The following CYRIB variants were observed in gnomAD, a reference collection of about 807,000 sequenced individuals.
CYRIB encodes CYFIP-related Rac1 interactor B.
CYRIB carries 8 observed loss-of-function variants against 44.2 expected under a neutral mutation model. The observed-to-expected ratio is 0.18, with a 90% confidence interval of 0.11 to 0.33. The LOEUF (loss-of-function observed/expected upper bound fraction) is 0.33, where lower values mean the gene tolerates loss of function less well. Among genes scored for constraint, CYRIB ranks in the 10% least tolerant of loss-of-function variants. The pLI is 1.00. For synonymous variants in CYRIB, 131 were observed against 127.2 expected (o/e 1.03, Z -0.20); for missense variants, 185 against 382.8 (o/e 0.48, Z 4.31).
intron 1 of CYRIB, among the ~76,000 whole-genome samples, chr8:129,928,400 G>A (rs1188794721): frequency 6.6e-6 from 1 of 150,584 alleles, no homozygotes; most frequent in East Asian, 1.9e-4. Flanking sequence ...TAATGTATCT[G>A]ACAAAGGACC....
intron 1 of CYRIB, among the ~76,000 whole-genome samples, chr8:129,987,564 T>C (rs3077894): frequency 6.7e-5 from 5 of 74,454 alleles, no homozygotes; most frequent in Admixed American, 4.5e-4. Context: ...GTCTTTTTTT[T>C]TTTCTTTTTT....
At chr8:129,973,923 G>A (rs1461591279) in intron 1 of CYRIB, among the ~76,000 whole-genome samples, 6 of 152,178 alleles carry the variant, frequency 3.9e-5, no homozygotes, top group East Asian at 1.9e-4. Flanking sequence ...GTCCTTATCC[G>A]TCTCCTCCAA....
At chr8:129,967,046 G>A (rs1481455301) in intron 2 of CYRIB, among the ~76,000 whole-genome samples, 1 of 152,122 alleles carries the variant, frequency 6.6e-6, no homozygotes, top group Non-Finnish European at 1.5e-5. Flanking sequence ...AAAAATTAGT[G>A]CAGTGGCCCA....
At chr8:129,854,596 T>C (rs1308466655) in intron 6 of CYRIB, among the ~76,000 whole-genome samples, 1 of 152,246 alleles carries the variant, frequency 6.6e-6, no homozygotes, top group Non-Finnish European at 1.5e-5. Flanking sequence ...TACTAAAAGC[T>C]TGTTTATCAA....
exon 5 of CYRIB, chr8:129,862,263 T>C: frequency 1.2e-6 from 2 of 1,613,910 alleles, no homozygotes; most frequent in Non-Finnish European, 1.7e-6. Flanking sequence ...ATTTCTTTAA[T>C]TTGCCTACTA....
At position 129,862,220 on chromosome 8, in the gene CYRIB, T is replaced by C. The variant is rs1333030921; in HGVS notation, c.301+9A>G. ...TAGGGAAGTCACAATTACAAAACTT[T>C]CAACTTACCTAACCTCTGAGAAAAT... On this transcript the variant is annotated intron_variant, in intron 5 of 11. Coordinates refer to ENST00000519824, the Ensembl canonical transcript of CYRIB. 4.4e-6 allele frequency: 7 copies of C among 1,593,964 alleles called. No homozygotes were observed. Among genetic ancestry groups the C allele is most frequent in the East Asian group, 2.2e-5 (1 of 44,778 alleles).
At chr8:129,951,821 C>T (rs2094518946) in intron 2 of CYRIB, among the ~76,000 whole-genome samples, 1 of 152,158 alleles carries the variant, frequency 6.6e-6, no homozygotes, top group Non-Finnish European at 1.5e-5. Context: ...CTCCTAACAT[C>T]GTTTGTATTA....
chr8:129,937,480 A>T (rs2093021755), intron 1 of CYRIB, among the ~76,000 whole-genome samples: 1 of 152,266 alleles, frequency 6.6e-6, no homozygotes, highest in Non-Finnish European at 1.5e-5. Flanking sequence ...ATATCAGTCA[A>T]ATAATCTCAA....
At position 130,013,097 on chromosome 8, in the gene CYRIB, C is replaced by T. The variant is rs559132738; in HGVS notation, c.-296+3273G>A. ...AGAGATGAATCTGGCCTTTGAGACG[C>T]CTATACGCTTGCTGAGCAAACAGTG... On this transcript the variant is annotated intron_variant, in intron 1 of 14. Coordinates refer to the CYRIB transcript ENST00000401979. Among the ~76,000 whole-genome samples, 22 of 152,292 alleles carry T rather than the reference C, an allele frequency of 1.4e-4. 1 individual carries two copies. In the South Asian group the frequency reaches 3.9e-3, roughly 27 times the overall value.
chr8:129,913,768 T>C (rs899290679), intron 1 of CYRIB, among the ~76,000 whole-genome samples: 7 of 152,092 alleles, frequency 4.6e-5, no homozygotes, highest in African/African-American at 9.7e-5. Context: ...ACCACCTAAT[T>C]GGGTTATTAT....
chr8:129,976,572 T>G lies in CYRIB; in HGVS notation c.-295-5577A>C, dbSNP rs189273354. On this transcript the variant is annotated intron_variant, in intron 1 of 14. Coordinates refer to the CYRIB transcript ENST00000401979. ...AATGCAGTCATTACACAGGTGAACT[T>G]ATCTCCCATTCAAGGAGGCCTTGCT... Among the ~76,000 whole-genome samples, 310 of 152,308 alleles carry G rather than the reference T, an allele frequency of 2.0e-3. 3 individuals are homozygous for G. The highest frequency in any genetic ancestry group is 7.3e-3 in the African/African-American group (305 of 41,560).
intron 5 of CYRIB, among the ~76,000 whole-genome samples, chr8:129,859,227 G>A (rs1052682401): frequency 2.0e-5 from 3 of 152,182 alleles, no homozygotes; most frequent in Non-Finnish European, 2.9e-5. Context: ...GAGAAAGAGC[G>A]AAACAGCTTA....
intron 1 of CYRIB, among the ~76,000 whole-genome samples, chr8:129,939,283 G>C (rs1243641859): frequency 6.6e-6 from 1 of 151,368 alleles, no homozygotes; most frequent in Non-Finnish European, 1.5e-5. Context: ...ACGAGCCAAC[G>C]AGCCAGGAGT....
At chr8:129,877,284 A>G (rs1403468333) in intron 3 of CYRIB, among the ~76,000 whole-genome samples, 3 of 152,176 alleles carry the variant, frequency 2.0e-5, no homozygotes, top group African/African-American at 7.2e-5. Context: ...TTAACATTTT[A>G]TATGTATTTC....
chr8:129,875,809 C>A (rs1185948379), intron 3 of CYRIB, among the ~76,000 whole-genome samples: 2 of 152,114 alleles, frequency 1.3e-5, no homozygotes, highest in African/African-American at 4.8e-5. Context: ...TCAAACATCA[C>A]CATCAGAAAG....
intron 10 of CYRIB, among the ~76,000 whole-genome samples, chr8:129,847,523 G>A (rs1020375266): frequency 4.6e-5 from 7 of 152,078 alleles, no homozygotes; most frequent in Admixed American, 1.3e-4. Flanking sequence ...AGGAAAAGAA[G>A]AACTTTCAGG....
chr8:129,845,667 T>A (rs1197934212), intron 11 of CYRIB, among the ~76,000 whole-genome samples: 1 of 152,212 alleles, frequency 6.6e-6, no homozygotes, highest in Non-Finnish European at 1.5e-5. Flanking sequence ...TCCGCTTAGC[T>A]GAAATGATAC....
chr8:129,874,130 CA>C (rs1445566905), intron 3 of CYRIB, among the ~76,000 whole-genome samples: 1 of 151,132 alleles, frequency 6.6e-6, no homozygotes, highest in Non-Finnish European at 1.5e-5. Context: ...TTTGATTTTC[CA>C]TAGAAAAAAA....
At chr8:129,909,622 T>C in intron 1 of CYRIB, among the ~76,000 whole-genome samples, 1 of 152,230 alleles carries the variant, frequency 6.6e-6, no homozygotes, top group East Asian at 1.9e-4. Flanking sequence ...AACCTTTTGC[T>C]CTTTTAAACG....
Sources: gnomAD v4.1 joint callset for allele counts (sites outside exome capture counted in the v4.1 genomes callset) on GRCh38, gnomAD v4.1.1 for gene constraint, MANE v1.5 for transcripts, NCBI Gene and HGNC (gene_info 2026-07-23, HGNC 2026-07-21) for gene names.